GRPR: variants seen among roughly 807,000 people sequenced by gnomAD.
GRPR encodes gastrin releasing peptide receptor.
Under a neutral mutation model 15.6 loss-of-function variants are expected in GRPR, and 4 were observed. The observed-to-expected ratio is 0.26, with a 90% CI of 0.13 to 0.59. GRPR has a LOEUF of 0.59. Among genes scored for constraint, GRPR ranks in the 20% least tolerant of loss-of-function variants. The pLI, the probability that GRPR is intolerant of heterozygous loss-of-function variation, is 0.90. For synonymous variants in GRPR, 128 were observed against 126.8 expected (o/e 1.01, Z -0.06); for missense variants, 270 against 304.1 (o/e 0.89, Z 0.83).
chrX:16,150,372 G>A lies in GRPR; in HGVS notation c.481G>A (p.Ala161Thr). ...SHALMKICLKAAFIWIISMLL... is the reference protein window; with the variant it reads ...SHALMKICLKTAFIWIISMLL... ...TGCCCTGATGAAGATCTGCCTCAAA[G>A]CCGCCTTTATCTGGATCATCTCCAT... Residue 161 changes from alanine to threonine, a missense_variant, in exon 2 of 3, where the codon GCC becomes ACC. Physicochemically the swap from Ala to Thr is moderately conservative, Grantham distance 58. Coordinates refer to ENST00000380289, the MANE Select transcript of GRPR (RefSeq NM_005314.3). The A allele has an allele frequency of 1.7e-6, 2 of 1,209,432 alleles. No individual in the cohort carries two copies. Among genetic ancestry groups the A allele is most frequent in the Non-Finnish European group, 2.2e-6 (2 of 893,675 alleles).
Position 16,152,284 on chromosome X carries a change from C to T in GRPR, c.794C>T (p.Thr265Ile). 8.3e-7 allele frequency: 1 copy of T among 1,208,536 alleles called. No individual in the cohort carries two copies. Among genetic ancestry groups the T allele is most frequent in the Non-Finnish European group, 1.1e-6 (1 of 892,570 alleles). ...GAATCCCGGAAGCGACTTGCCAAGACAGTGCTGGTGTTTGTGGGCCTGTTC... is the reference window on the plus strand; with the variant it reads ...GAATCCCGGAAGCGACTTGCCAAGATAGTGCTGGTGTTTGTGGGCCTGTTC... ...QIESRKRLAKTVLVFVGLFAF... is the reference protein window; with the variant it reads ...QIESRKRLAKIVLVFVGLFAF... Residue 265 changes from threonine to isoleucine, a missense_variant, in exon 3 of 3, where the codon ACA becomes ATA. Physicochemically the swap from Thr to Ile is moderately conservative, Grantham distance 89 (BLOSUM62 -1). Coordinates refer to ENST00000380289, the MANE Select transcript of GRPR (RefSeq NM_005314.3).
rs764637956 is a variant in GRPR at position 16,132,957 on chromosome X, A to T, written c.413+8591A>T. On this transcript the variant is annotated intron_variant, in intron 1 of 2. Coordinates refer to ENST00000380289, the MANE Select transcript of GRPR (RefSeq NM_005314.3). Reference sequence around the variant, plus strand: ...TGCACAACATCTGTGACTTTACACAAATATATTCGCTATTTGTAATTTGGC... The same window carrying T: ...TGCACAACATCTGTGACTTTACACATATATATTCGCTATTTGTAATTTGGC... Among the ~76,000 whole-genome samples, 66 of 112,046 alleles carry T rather than the reference A, an allele frequency of 5.9e-4. 1 individual carries two copies. Among genetic ancestry groups the T allele is most frequent in the Middle Eastern group, 9.3e-3 (2 of 215 alleles).
intron 1 of GRPR, among the ~76,000 whole-genome samples, chrX:16,143,068 G>A (rs184269180): frequency 2.7e-5 from 3 of 109,625 alleles, no homozygotes; most frequent in African/African-American, 1.0e-4. Flanking sequence ...TAGTCCCTCA[G>A]GCATTCCTGC....
chrX:16,124,583 GA>G (rs1211492938), intron 1 of GRPR, among the ~76,000 whole-genome samples: 10 of 108,027 alleles, frequency 9.3e-5, no homozygotes, highest in Admixed American at 2.0e-4. Flanking sequence ...AGACAGATGA[GA>G]AAAAAAAAAT....
intron 1 of GRPR, among the ~76,000 whole-genome samples, chrX:16,128,524 A>G (rs1922329879): frequency 9.0e-6 from 1 of 111,441 alleles, no homozygotes; most frequent in Non-Finnish European, 1.9e-5. Flanking sequence ...CAAAATAATA[A>G]TAATAATAAT....
chrX:16,147,489 G>A (rs1017279222), intron 1 of GRPR, among the ~76,000 whole-genome samples: 2 of 110,970 alleles, frequency 1.8e-5, no homozygotes, highest in African/African-American at 6.5e-5. Context: ...AAAAAAATGG[G>A]GTAATTATTC....
intron 1 of GRPR, 40 bp downstream of exon 1, chrX:16,124,406 T>G (rs1246971414): frequency 8.9e-7 from 1 of 1,125,354 alleles, no homozygotes; most frequent in Non-Finnish European, 1.2e-6. Context: ...CCAAGGGTGA[T>G]AGACGCCTGG....
At chrX:16,150,707 AT>A in intron 2 of GRPR, 51 bp downstream of exon 2, 1 of 761,634 alleles carries the variant, frequency 1.3e-6, no homozygotes, top group Non-Finnish European at 2.1e-6. Context: ...AATCCCTTGC[AT>A]TTCTTTTGGA....
At chrX:16,146,475 A>G (rs745402039) in intron 1 of GRPR, among the ~76,000 whole-genome samples, 54 of 111,542 alleles carry the variant, frequency 4.8e-4, no homozygotes, top group Middle Eastern at 4.7e-3. Flanking sequence ...ATGTTTAAAT[A>G]TGGCTGCCCT....
chrX:16,125,447 A>G (rs1395788931), intron 1 of GRPR, among the ~76,000 whole-genome samples: 1 of 112,323 alleles, frequency 8.9e-6, no homozygotes, highest in Non-Finnish European at 1.9e-5. Flanking sequence ...GTTATGTGTT[A>G]AAGATACAGA....
At chrX:16,133,494 C>G (rs1922407469) in intron 1 of GRPR, among the ~76,000 whole-genome samples, 1 of 111,233 alleles carries the variant, frequency 9.0e-6, no homozygotes, top group Admixed American at 9.6e-5. Flanking sequence ...CCATTCTTTC[C>G]TGTATCTCTG....
intron 1 of GRPR, among the ~76,000 whole-genome samples, chrX:16,146,400 C>T (rs1249346055): frequency 9.0e-6 from 1 of 111,474 alleles, no homozygotes; most frequent in Non-Finnish European, 1.9e-5. Flanking sequence ...ATCTCAGCTT[C>T]TCCTCTTATG....
At chrX:16,148,298 A>G (rs1272801794) in intron 1 of GRPR, among the ~76,000 whole-genome samples, 2 of 111,489 alleles carry the variant, frequency 1.8e-5, no homozygotes, top group African/African-American at 6.5e-5. Context: ...ACTTGCAGAC[A>G]CTCTCTTATC....
intron 1 of GRPR, among the ~76,000 whole-genome samples, chrX:16,131,506 A>C (rs1922376437): frequency 8.9e-6 from 1 of 111,751 alleles, no homozygotes; most frequent in African/African-American, 3.3e-5. Context: ...AATTTTTTAC[A>C]TTTGTATGAA....
chrX:16,143,124 C>T (rs775104141), intron 1 of GRPR, among the ~76,000 whole-genome samples: 1 of 111,396 alleles, frequency 9.0e-6, no homozygotes, highest in Non-Finnish European at 1.9e-5. Flanking sequence ...ATTTAATTGC[C>T]CTTTTGCTGG....
chrX:16,141,778 T>C (rs1423868240), intron 1 of GRPR, among the ~76,000 whole-genome samples: 1 of 112,024 alleles, frequency 8.9e-6, no homozygotes, highest in Non-Finnish European at 1.9e-5. Context: ...AATAGAAGGA[T>C]GAATTAAACA....
At chrX:16,128,348 C>T (rs946370961) in intron 1 of GRPR, among the ~76,000 whole-genome samples, 40 of 111,119 alleles carry the variant, frequency 3.6e-4, no homozygotes, top group African/African-American at 1.1e-3. Context: ...AACCTCGTCT[C>T]TACTAAAAAT....
At chrX:16,135,349 T>A (rs1319725907) in intron 1 of GRPR, among the ~76,000 whole-genome samples, 3 of 112,391 alleles carry the variant, frequency 2.7e-5, no homozygotes, top group Non-Finnish European at 5.6e-5. Flanking sequence ...AAACTTCACA[T>A]CTTTATTACT....
intron 1 of GRPR, among the ~76,000 whole-genome samples, chrX:16,149,971 A>G (rs990988942): frequency 8.9e-6 from 1 of 112,130 alleles, no homozygotes; most frequent in Admixed American, 9.5e-5. Flanking sequence ...ACCATGTTGT[A>G]TACAGTAAAT....
Sources: allele counts gnomAD v4.1 joint callset (sites outside exome capture counted in the v4.1 genomes callset), GRCh38; gene constraint gnomAD v4.1.1; transcripts MANE v1.5; gene names NCBI Gene and HGNC (gene_info 2026-07-23, HGNC 2026-07-21).